The following CAMK4 variants were observed in gnomAD, a reference collection of about 807,000 sequenced individuals.
CAMK4 encodes calcium/calmodulin dependent protein kinase IV.
A neutral mutation model predicts 44.9 loss-of-function variants in CAMK4; 22 were observed. That is an observed-to-expected ratio of 0.49 (90% CI 0.35 to 0.70). The LOEUF (loss-of-function observed/expected upper bound fraction) is 0.70, where lower values mean the gene tolerates loss of function less well. Among genes scored for constraint, CAMK4 ranks in the 30% least tolerant of loss-of-function variants. CAMK4 has a pLI of 0.01. For missense variants in CAMK4, 498 were observed against 586.8 expected, an observed-to-expected ratio of 0.85 and a Z score of 1.56; for synonymous variants, 218 against 215.4, an observed-to-expected ratio of 1.01 and a Z score of -0.11.
At chr5:111,438,176 G>A (rs539110697) in intron 5 of CAMK4, among the ~76,000 whole-genome samples, 5 of 152,284 alleles carry the variant, frequency 3.3e-5, no homozygotes, top group African/African-American at 7.2e-5. Context: ...CAGGGAGGTC[G>A]AGAGTGCTGC....
At chr5:111,229,190 G>A (rs2112491047) in intron 1 of CAMK4, among the ~76,000 whole-genome samples, 1 of 152,284 alleles carries the variant, frequency 6.6e-6, no homozygotes, top group Non-Finnish European at 1.5e-5. Context: ...CAATAAATAT[G>A]CATTTCTCAC....
intron 5 of CAMK4, among the ~76,000 whole-genome samples, chr5:111,399,297 A>C (rs1287054413): frequency 6.6e-6 from 1 of 151,990 alleles, no homozygotes; most frequent in East Asian, 1.9e-4. Flanking sequence ...TCATTTCTCT[A>C]CTTCTTTCAG....
intron 1 of CAMK4, among the ~76,000 whole-genome samples, chr5:111,320,023 A>T (rs905488431): frequency 2.6e-5 from 4 of 152,192 alleles, no homozygotes; most frequent in Non-Finnish European, 4.4e-5. Flanking sequence ...GGAATAAAAA[A>T]GAATGTGATT....
At chr5:111,271,877 C>T (rs534735105) in intron 1 of CAMK4, among the ~76,000 whole-genome samples, 1 of 152,238 alleles carries the variant, frequency 6.6e-6, no homozygotes, top group South Asian at 2.1e-4. Context: ...AAAGCTTCAG[C>T]AAAGGTAGAG....
rs1217687024 is a variant in CAMK4 at position 111,290,653 on chromosome 5, G to C, written c.162-53371G>C. On this transcript the variant is annotated intron_variant, in intron 1 of 10. Transcript: ENST00000282356. The surrounding 1 kb of genome is among the most constrained non-coding windows in gnomAD (Gnocchi z 4.5). Reference sequence around the variant, plus strand: ...CACAGACAAGCACTAAAAGGCGCTAGTGTTTCCACTGGTGTTTCCACATTT... The same window carrying C: ...CACAGACAAGCACTAAAAGGCGCTACTGTTTCCACTGGTGTTTCCACATTT... 6.6e-6 allele frequency among the ~76,000 whole-genome samples: 1 copy of C among 152,186 alleles called. No individual in the cohort carries two copies. The highest frequency in any genetic ancestry group is 1.5e-5 in the Non-Finnish European group (1 of 68,030).
At chr5:111,311,243 TC>T (rs1296186886) in intron 1 of CAMK4, among the ~76,000 whole-genome samples, 2 of 152,192 alleles carry the variant, frequency 1.3e-5, no homozygotes, top group African/African-American at 4.8e-5. Flanking sequence ...TTATAGTTCC[TC>T]TTCCTTAGAT....
upstream of CAMK4, chr5:111,223,802 T>A (rs904815591): frequency 1.3e-5 from 2 of 152,478 alleles, no homozygotes; most frequent in Non-Finnish European, 2.9e-5. The surrounding 1 kb of genome is among the most constrained non-coding windows in gnomAD (Gnocchi z 4.3). Flanking sequence ...ACCACAGTAC[T>A]CCCTCCCCGG....
chr5:111,440,992 C>T lies in CAMK4; in HGVS notation c.460-5694C>T, dbSNP rs76324651. On this transcript the variant is annotated intron_variant, in intron 5 of 10. Transcript: ENST00000282356. Reference sequence around the variant, plus strand: ...CACACCTCATTTCTAATTCCCACTACAATCTGCAAAGTGGGCGTTGCAGAT... The same window carrying T: ...CACACCTCATTTCTAATTCCCACTATAATCTGCAAAGTGGGCGTTGCAGAT... Among the ~76,000 whole-genome samples, 156 of 152,296 alleles carry T rather than the reference C, an allele frequency of 1.0e-3. 3 individuals are homozygous for T. In the East Asian group the frequency reaches 0.025, roughly 24 times the overall value.
intron 2 of CAMK4, among the ~76,000 whole-genome samples, chr5:111,367,903 T>C (rs571436856): frequency 1.3e-4 from 20 of 152,204 alleles, no homozygotes; most frequent in Non-Finnish European, 2.4e-4. Context: ...CCATATGACC[T>C]GCTGTATGTC....
chr5:111,235,517 A>G (rs945345794), intron 1 of CAMK4, among the ~76,000 whole-genome samples: 2 of 152,176 alleles, frequency 1.3e-5, no homozygotes, highest in Admixed American at 6.5e-5. Context: ...GTACACTAAT[A>G]ACAATGTTCA....
intron 1 of CAMK4, among the ~76,000 whole-genome samples, chr5:111,245,007 T>C (rs1318433179): frequency 6.6e-6 from 1 of 152,204 alleles, no homozygotes; most frequent in African/African-American, 2.4e-5. Context: ...CTAGAATATT[T>C]AGCAGAAATG....
chr5:111,273,716 TATACAC>T lies in CAMK4; in HGVS notation c.161+49074_161+49079del, dbSNP rs1355915623. 6.2e-3 allele frequency among the ~76,000 whole-genome samples: 353 copies of T among 56,988 alleles called. 10 individuals are homozygous for T. The highest frequency in any genetic ancestry group is 0.033 in the African/African-American group (280 of 8,460). 37.4% of individuals were successfully genotyped at this position (56,988 alleles called of 152,430 possible). A position where few individuals can be genotyped will look rare whatever the true frequency, so the allele number is the denominator to read the frequency against. On this transcript the variant is annotated intron_variant, in intron 1 of 10. Transcript: ENST00000282356. ...ATATATATATATATATATATATATA[TATACAC>T]ACACATACATACACACACACACGCT...
intron 1 of CAMK4, among the ~76,000 whole-genome samples, chr5:111,337,843 A>C (rs924538584): frequency 1.3e-5 from 2 of 151,070 alleles, no homozygotes; most frequent in Non-Finnish European, 3.0e-5. Flanking sequence ...ACAACAGGCA[A>C]GTTTCAGCAG....
At chr5:111,341,494 T>A (rs1331901446) in intron 1 of CAMK4, among the ~76,000 whole-genome samples, 1 of 151,114 alleles carries the variant, frequency 6.6e-6, no homozygotes, top group Non-Finnish European at 1.5e-5. Flanking sequence ...TTTACCATTG[T>A]CAGAAAATAA....
At chr5:111,278,208 C>T (rs1397123199) in intron 1 of CAMK4, among the ~76,000 whole-genome samples, 1 of 152,162 alleles carries the variant, frequency 6.6e-6, no homozygotes, top group Non-Finnish European at 1.5e-5. Context: ...TTGCACAATG[C>T]TCAGTGAAGA....
intron 1 of CAMK4, among the ~76,000 whole-genome samples, chr5:111,268,371 A>G (rs998561711): frequency 3.0e-4 from 45 of 152,240 alleles, no homozygotes; most frequent in African/African-American, 1.1e-3. Flanking sequence ...GGAATAGCAC[A>G]TGTAAGTGTT....
intron 1 of CAMK4, among the ~76,000 whole-genome samples, chr5:111,340,195 A>G (rs1749581102): frequency 6.6e-6 from 1 of 151,032 alleles, no homozygotes; most frequent in Admixed American, 6.6e-5. Flanking sequence ...CTCCTTTTTG[A>G]TTCAGATTCC....
intron 2 of CAMK4, among the ~76,000 whole-genome samples, chr5:111,362,659 A>G (rs926966083): frequency 2.0e-5 from 3 of 152,010 alleles, no homozygotes; most frequent in Non-Finnish European, 4.4e-5. Flanking sequence ...CCCTGACAAC[A>G]TGAATCTTAA....
chr5:111,267,050 C>T (rs182729740), intron 1 of CAMK4, among the ~76,000 whole-genome samples: 2 of 152,302 alleles, frequency 1.3e-5, no homozygotes, highest in Admixed American at 6.5e-5. Flanking sequence ...CTGTTGCCTT[C>T]ATTCCACATC....
Sources: allele counts gnomAD v4.1 joint callset (sites outside exome capture counted in the v4.1 genomes callset), GRCh38; gene constraint gnomAD v4.1.1; non-coding constraint Gnocchi (gnomAD v3.1); transcripts MANE v1.5; gene names NCBI Gene and HGNC (gene_info 2026-07-23, HGNC 2026-07-21).